PCNT: variants seen among roughly 807,000 people sequenced by gnomAD.
The protein encoded by PCNT is pericentrin.
A neutral mutation model predicts 380.4 loss-of-function variants in PCNT; 319 were observed. The ratio of observed to expected loss-of-function variants is 0.84; its 90% CI spans 0.77 to 0.92. PCNT has a LOEUF of 0.92. Ranked by LOEUF, PCNT falls within the 40% of genes least tolerant of loss-of-function variation. The pLI, the probability that PCNT is intolerant of heterozygous loss-of-function variation, is 0.00. For missense variants in PCNT, 4,400 were observed against 4,255.3 expected, an observed-to-expected ratio of 1.03 and a Z score of -0.95; for synonymous variants, 1,845 against 1,735.2, an observed-to-expected ratio of 1.06 and a Z score of -1.57.
At chr21:46,383,376 G>C (rs1215306399) in intron 16 of PCNT, among the ~76,000 whole-genome samples, 1 of 146,534 alleles carries the variant, frequency 6.8e-6, no homozygotes, top group Non-Finnish European at 1.5e-5. Context: ...CATTCACCAT[G>C]TTGTATATTC....
chr21:46,394,638 C>A, intron 21 of PCNT: 1 of 374,672 alleles, frequency 2.7e-6, no homozygotes, highest in Non-Finnish European at 3.7e-6. Flanking sequence ...CCTTTTGTGG[C>A]AAACAATAAA....
At chr21:46,431,172 G>T (rs2087746879) in intron 37 of PCNT, 2 of 1,209,014 alleles carry the variant, frequency 1.7e-6, no homozygotes, top group East Asian at 1.1e-4. Context: ...GGGGGCAGGA[G>T]CCTCTGGTGG....
Position 46,368,408 on chromosome 21 carries a change from A to C in PCNT, c.3165+1269A>C, listed in dbSNP as rs535984232. ...GCTTGCAGTGATCCGAGATCGCACC[A>C]GTGCACTCCAGCCTGGGAGACAGAG... On this transcript the variant is annotated intron_variant, in intron 15 of 46. Coordinates refer to ENST00000359568, the MANE Select transcript of PCNT (RefSeq NM_006031.6). Among the ~76,000 whole-genome samples the C allele has an allele frequency of 1.8e-4, 27 of 152,222 alleles. No individual in the cohort carries two copies. In the South Asian group the frequency reaches 5.6e-3, roughly 32 times the overall value.
chr21:46,332,318 A>G (rs1377895745), intron 2 of PCNT, among the ~76,000 whole-genome samples: 1 of 152,246 alleles, frequency 6.6e-6, no homozygotes, highest in Non-Finnish European at 1.5e-5. Context: ...AATACCAGGA[A>G]AAATAGTTAT....
chr21:46,419,987 C>G (rs992724946), intron 31 of PCNT, among the ~76,000 whole-genome samples: 31 of 152,340 alleles, frequency 2.0e-4, no homozygotes, highest in African/African-American at 6.7e-4. Flanking sequence ...TTGAGAACTT[C>G]CTCGTCTCCC....
Position 46,383,299 on chromosome 21 carries a change from C to T in PCNT, c.3312+1459C>T, listed in dbSNP as rs141574401. 8.2e-3 allele frequency among the ~76,000 whole-genome samples: 1,153 copies of T among 141,284 alleles called. 67 individuals carry two copies. Among genetic ancestry groups the T allele is most frequent in the African/African-American group, 0.029 (1,077 of 37,528 alleles). The allele number at this position is 141,284 out of a possible 152,430, so 92.7% of individuals were successfully genotyped here. A position where few individuals can be genotyped will look rare whatever the true frequency, so the allele number is the denominator to read the frequency against. On this transcript the variant is annotated intron_variant, in intron 16 of 46. Coordinates refer to ENST00000359568, the MANE Select transcript of PCNT (RefSeq NM_006031.6). ...AGTGCTGTGCATTCAGCAGCGGAAGCGCATTCACGGTGTTGTGCGTTCAGT... is the reference window on the plus strand; with the variant it reads ...AGTGCTGTGCATTCAGCAGCGGAAGTGCATTCACGGTGTTGTGCGTTCAGT...
chr21:46,411,043 C>T, intron 27 of PCNT, 146 bp from the exon 28 acceptor site: 1 of 833,104 alleles, frequency 1.2e-6, no homozygotes, highest in South Asian at 1.5e-5. Flanking sequence ...GCATCCGGCA[C>T]CAGCAGTTTG....
intron 19 of PCNT, among the ~76,000 whole-genome samples, chr21:46,389,854 A>G (rs1023091456): frequency 6.6e-6 from 1 of 152,216 alleles, no homozygotes; most frequent in Admixed American, 6.5e-5. Flanking sequence ...AGGCTAAGGT[A>G]GGAGGTTCAC....
intron 37 of PCNT, chr21:46,431,177 T>C (rs2087747260): frequency 8.3e-7 from 1 of 1,211,342 alleles, no homozygotes; most frequent in African/African-American, 1.6e-5. Context: ...CAGGAGCCTC[T>C]GGTGGAGTGA....
rs549146787 is a variant in PCNT, at chr21:46,410,497, G to C, written c.5116-692G>C. Among the ~76,000 whole-genome samples the C allele has an allele frequency of 3.9e-5, 6 of 152,338 alleles. No homozygotes were observed. In the South Asian group the frequency reaches 1.2e-3, roughly 32 times the overall value. On this transcript the variant is annotated intron_variant, in intron 27 of 46. Coordinates refer to ENST00000359568, the MANE Select transcript of PCNT (RefSeq NM_006031.6). The stretch of plus-strand genomic sequence containing the variant: ...CCAGGAATGTTATCTTAAGAGAATA[G>C]AGTTTGGAGCTATATTGACATACAT...
intron 12 of PCNT, 72 bp from the exon 13 acceptor site, chr21:46,356,902 C>A: frequency 7.6e-7 from 1 of 1,317,326 alleles, no homozygotes; most frequent in Non-Finnish European, 1.1e-6. Flanking sequence ...TGCCGTTCTG[C>A]CTGTGCGGAC....
At position 46,416,709 on chromosome 21, in the gene PCNT, C is replaced by T. The variant is rs777202484; in HGVS notation, c.6791C>T (p.Ala2264Val). 5 of 1,574,894 alleles carry T rather than the reference C, an allele frequency of 3.2e-6. No individual in the cohort carries two copies. Among genetic ancestry groups the T allele is most frequent in the Non-Finnish European group, 4.3e-6 (5 of 1,158,720 alleles). ...GCCGACACATCCCTGGGGGACAGGG[C>T]GGACACCTCGCTGCCACAGACCCAG... The part of the protein sequence containing the change: ...CSADTSLGDR[A>V]DTSLPQTQGP... Residue 2264 changes from alanine to valine, a missense_variant, in exon 30 of 47, where the codon GCG becomes GTG. Transcript: ENST00000359568.
intron 3 of PCNT, among the ~76,000 whole-genome samples, chr21:46,337,910 G>A (rs1240148304): frequency 6.6e-6 from 1 of 151,884 alleles, no homozygotes; most frequent in African/African-American, 2.4e-5. Context: ...GTCTTGCTCT[G>A]TTGTCCAGGC....
chr21:46,360,098 C>A (rs2084649510), intron 13 of PCNT, among the ~76,000 whole-genome samples: 1 of 151,920 alleles, frequency 6.6e-6, no homozygotes, highest in Non-Finnish European at 1.5e-5. Context: ...CTCAAGTGAT[C>A]CACCCGCCTC....
intron 1 of PCNT, 25 bp from the exon 2 acceptor site, chr21:46,326,352 A>G (rs1228379572): frequency 3.7e-6 from 6 of 1,610,258 alleles, no homozygotes; most frequent in Non-Finnish European, 5.1e-6. Flanking sequence ...CTTTGCCTTT[A>G]CTACTTATCT....
rs202059140 is a variant in PCNT at position 46,346,734 on chromosome 21, C to T, written c.721-9C>T. The T allele has an allele frequency of 3.1e-5, 50 of 1,593,414 alleles. No homozygotes were observed. In the African/African-American group the frequency reaches 6.3e-4, roughly 20 times the overall value. On this transcript the variant is annotated splice_polypyrimidine_tract_variant and intron_variant, in intron 4 of 46. Coordinates refer to ENST00000359568, the MANE Select transcript of PCNT (RefSeq NM_006031.6). ...TGGGCCCTTATCAGAGGCCTTTTCT[C>T]CGCCGCAGGCCGTGCATGGCCTTGA...
At chr21:46,438,703 T>C (rs1330238319) in intron 41 of PCNT, among the ~76,000 whole-genome samples, 1 of 149,666 alleles carries the variant, frequency 6.7e-6, no homozygotes, top group Non-Finnish European at 1.5e-5. Context: ...GACCGAGTCT[T>C]GCTCTGTTGC....
In PCNT at chr21:46,431,808, C is replaced by T; in HGVS notation, c.8344C>T (p.Gln2782Ter). 6.2e-7 allele frequency: 1 copy of T among 1,613,650 alleles called. No individual in the cohort carries two copies. The highest frequency in any genetic ancestry group is 8.5e-7 in the Non-Finnish European group (1 of 1,180,040). The stretch of plus-strand genomic sequence containing the variant: ...GAGGACACAGGAGGCTTGCGTGCAC[C>T]AGGACACACAGGCCCATCACGCTCT... The part of the protein sequence containing the change: ...SQRTQEACVH[Q>*]DTQAHHALLQ... The change falls in exon 38 of 47, where the codon CAG (glutamine) becomes TAG (stop). Residue 2782 changes from glutamine to a stop codon, truncating the protein, a stop_gained. Transcript: ENST00000359568. LOFTEE classifies it high-confidence loss of function.
At chr21:46,359,502 T>G (rs1427351294) in intron 13 of PCNT, among the ~76,000 whole-genome samples, 2 of 121,072 alleles carry the variant, frequency 1.7e-5, no homozygotes, top group African/African-American at 5.9e-5. Flanking sequence ...TTTTTTTTTT[T>G]TTTTTGAGAC....
Sources: gnomAD v4.1 joint callset for allele counts (sites outside exome capture counted in the v4.1 genomes callset) on GRCh38, gnomAD v4.1.1 for gene constraint, MANE v1.5 for transcripts, NCBI Gene and HGNC (gene_info 2026-07-23, HGNC 2026-07-21) for gene names.